The following TIMP2 variants were observed in gnomAD, a reference collection of about 807,000 sequenced individuals.
TIMP2 encodes TIMP metallopeptidase inhibitor 2, also known as metalloproteinase inhibitor 2.
In TIMP2, 5 loss-of-function variants were observed where a neutral mutation model predicts 24.3. That is an observed-to-expected ratio of 0.21 (90% confidence interval 0.11 to 0.43). The LOEUF (loss-of-function observed/expected upper bound fraction) is 0.43, where lower values mean the gene tolerates loss of function less well. TIMP2 is among the 20% of genes least tolerant of loss of function. The pLI is 1.00. For synonymous variants in TIMP2, 130 were observed against 123.2 expected (o/e 1.06, Z -0.37); for missense variants, 221 against 297.5 (o/e 0.74, Z 1.89).
At chr17:78,866,283 G>T (rs936087614) in intron 3 of TIMP2, among the ~76,000 whole-genome samples, 6 of 152,134 alleles carry the variant, frequency 3.9e-5, no homozygotes, top group Non-Finnish European at 8.8e-5. Flanking sequence ...GTGCTGTGCG[G>T]CCACCCCAGC....
intron 1 of TIMP2, chr17:78,904,596 C>A (rs2070140465): frequency 6.6e-6 from 1 of 152,238 alleles, no homozygotes; most frequent in African/African-American, 2.4e-5. Flanking sequence ...CCCCCCTACC[C>A]CCGCCCACTT....
chr17:78,862,678 T>C (rs904472337), intron 3 of TIMP2, among the ~76,000 whole-genome samples: 1 of 152,246 alleles, frequency 6.6e-6, no homozygotes, highest in Admixed American at 6.5e-5. Flanking sequence ...TAGCGCCCAA[T>C]AGGTAGAATT....
chr17:78,882,505 GATCCC>G (rs1353788850), intron 1 of TIMP2, among the ~76,000 whole-genome samples: 1 of 152,226 alleles, frequency 6.6e-6, no homozygotes, highest in East Asian at 1.9e-4. Flanking sequence ...ATCGCTGTGG[GATCCC>G]TAAATGTTTG....
chr17:78,922,663 CA>C (rs1173474163), intron 1 of TIMP2, among the ~76,000 whole-genome samples: 1 of 152,068 alleles, frequency 6.6e-6, no homozygotes, highest in Non-Finnish European at 1.5e-5. Flanking sequence ...ACTAAAAATA[CA>C]AAAAATTAGC....
chr17:78,907,715 G>A (rs1353344715), intron 1 of TIMP2, among the ~76,000 whole-genome samples: 1 of 152,182 alleles, frequency 6.6e-6, no homozygotes, highest in Non-Finnish European at 1.5e-5. Flanking sequence ...TCATGAAAAC[G>A]CAGTATCTGC....
chr17:78,873,313 T>A (rs1344692501), intron 2 of TIMP2, among the ~76,000 whole-genome samples: 1,335 of 94,690 alleles, frequency 0.014, 6 homozygotes, highest in Middle Eastern at 0.029. Flanking sequence ...ATTTTTTTTT[T>A]TTTTTTTTAA....
intron 2 of TIMP2, among the ~76,000 whole-genome samples, chr17:78,871,324 C>T (rs867507855): frequency 4.6e-5 from 7 of 151,698 alleles, no homozygotes; most frequent in African/African-American, 1.5e-4. Context: ...TGGTGGCAAG[C>T]GCCTGTAATC....
rs557567484 is a variant in TIMP2 at position 78,860,181 on chromosome 17, C to CA, written c.341-2536dup. On this transcript the variant is annotated intron_variant, in intron 3 of 4. Transcript: ENST00000262768. ...ACAGAGTAAGACTCTGTCTTCAAAACAAAAAAAACAAAAACAAAAACAAAA... is the reference window on the plus strand; with the variant it reads ...ACAGAGTAAGACTCTGTCTTCAAAACAAAAAAAAACAAAAACAAAAACAAAA... 1.4e-3 allele frequency among the ~76,000 whole-genome samples: 207 copies of CA among 151,094 alleles called. 3 individuals are homozygous for CA. The South Asian group carries it at 0.014, about 10-fold the overall frequency.
At chr17:78,857,346 G>T in intron 4 of TIMP2, 176 bp downstream of exon 4, 1 of 829,598 alleles carries the variant, frequency 1.2e-6, no homozygotes, top group Non-Finnish European at 1.8e-6. Context: ...GGGGTCAAAG[G>T]CTCTGTCCCC....
rs2069517212 is a variant in TIMP2, at chr17:78,855,413, T to C, written c.*254A>G. ...GGAAGCCGCGTGTCCCAGCCCTGCCTGCACCCAAGGATCGAAGCCCCAGAC... is the reference window on the plus strand; with the variant it reads ...GGAAGCCGCGTGTCCCAGCCCTGCCCGCACCCAAGGATCGAAGCCCCAGAC... On this transcript the variant is annotated 3_prime_UTR_variant, in exon 5 of 5. Transcript: ENST00000262768. This position sits in a 1 kb window ranked among gnomAD's most constrained non-coding sequence, Gnocchi z 6.0. The C allele has an allele frequency of 9.4e-6, 5 of 532,972 alleles. No homozygotes were observed. The highest frequency in any genetic ancestry group is 1.7e-5 in the Non-Finnish European group (5 of 295,346). 33.0% of individuals were successfully genotyped at this position (532,972 alleles called of 1,614,324 possible). A position where few individuals can be genotyped will look rare whatever the true frequency, so the allele number is the denominator to read the frequency against.
intron 1 of TIMP2, chr17:78,892,069 G>A (rs749012703): frequency 6.4e-7 from 1 of 1,551,720 alleles, no homozygotes; most frequent in South Asian, 1.2e-5. Flanking sequence ...CATTTTCCCT[G>A]GCCCGTCCTC....
rs1378988364 is a variant in TIMP2 at position 78,854,227 on chromosome 17, C to G, written c.*1440G>C. The G allele has an allele frequency of 1.3e-5, 2 of 151,924 alleles. No individual in the cohort carries two copies. Among genetic ancestry groups the G allele is most frequent in the Admixed American group, 1.3e-4 (2 of 15,236 alleles). 9.4% of individuals were successfully genotyped at this position (151,924 alleles called of 1,614,324 possible). On this transcript the variant is annotated 3_prime_UTR_variant, in exon 5 of 5. Transcript: ENST00000262768. ...ATGTTTACATAATGTGCCTGTATAT[C>G]GTCAGTTTATCTTTACAACACAGGT... is the stretch of plus-strand genomic sequence containing the variant.
rs575345848 is a variant in TIMP2, at chr17:78,857,492, G to A, written c.465+30C>T. 17 of 1,613,756 alleles carry A rather than the reference G, an allele frequency of 1.1e-5. No individual in the cohort carries two copies. In the South Asian group the frequency reaches 1.1e-4, roughly 10 times the overall value. On this transcript the variant is annotated intron_variant, in intron 4 of 4. Transcript: ENST00000262768. ...CCATCTGGAGACACTGGGAGGAGGC[G>A]ATGCTCCAGCAGAGGCAGGACCTGC...
intron 1 of TIMP2, among the ~76,000 whole-genome samples, chr17:78,922,639 G>A (rs1256154695): frequency 3.3e-5 from 5 of 152,076 alleles, no homozygotes; most frequent in African/African-American, 9.7e-5. Flanking sequence ...CCAACATGGC[G>A]AATTCCTGTC....
intron 3 of TIMP2, among the ~76,000 whole-genome samples, chr17:78,867,101 A>C (rs1398786303): frequency 1.3e-5 from 2 of 152,148 alleles, no homozygotes; most frequent in Non-Finnish European, 2.9e-5. Flanking sequence ...TATCTACTAA[A>C]AATACAAAAA....
intron 4 of TIMP2, chr17:78,856,238 C>T (rs903238222): frequency 4.0e-6 from 1 of 248,032 alleles, no homozygotes; most frequent in Non-Finnish European, 8.1e-6. Context: ...GCTCGCAAGC[C>T]GAGCCCCGAG....
Position 78,920,774 on chromosome 17 carries a change from C to G in TIMP2, c.130+4185G>C, listed in dbSNP as rs1008699600. ...CACACTGAGTGGACTGACTTTATAC[C>G]ACACCTGGGCAGTTGAGGAGGGGAG... is the stretch of plus-strand genomic sequence containing the variant. On this transcript the variant is annotated intron_variant, in intron 1 of 4. Coordinates refer to ENST00000262768, the MANE Select transcript of TIMP2 (RefSeq NM_003255.5). The surrounding 1 kb of genome is among the most constrained non-coding windows in gnomAD (Gnocchi z 4.5). 5.9e-5 allele frequency among the ~76,000 whole-genome samples: 9 copies of G among 152,020 alleles called. No individual in the cohort carries two copies. The highest frequency in any genetic ancestry group is 2.2e-4 in the African/African-American group (9 of 41,358).
chr17:78,889,252 C>T (rs955407268), intron 1 of TIMP2, among the ~76,000 whole-genome samples: 1 of 152,214 alleles, frequency 6.6e-6, no homozygotes, highest in African/African-American at 2.4e-5. Flanking sequence ...AGAAGAGAAG[C>T]TACCCAGTGT....
intron 1 of TIMP2, among the ~76,000 whole-genome samples, chr17:78,912,093 C>T (rs1007908471): frequency 6.6e-6 from 1 of 152,004 alleles, no homozygotes; most frequent in Non-Finnish European, 1.5e-5. Context: ...CCCATGGCAC[C>T]ACACTGAAGA....
Sources: gnomAD v4.1 joint callset for allele counts (sites outside exome capture counted in the v4.1 genomes callset) on GRCh38, gnomAD v4.1.1 for gene constraint, Gnocchi (gnomAD v3.1) non-coding constraint, MANE v1.5 for transcripts, NCBI Gene and HGNC (gene_info 2026-07-23, HGNC 2026-07-21) for gene names.